Variants in COQ7 observed in about 807,000 individuals in gnomAD.
COQ7 encodes the protein coenzyme Q7, hydroxylase, also known as NADPH-dependent 3-demethoxyubiquinone 3-hydroxylase, mitochondrial.
A neutral mutation model predicts 25.0 loss-of-function variants in COQ7; 21 were observed. That is an observed-to-expected ratio of 0.84 (90% CI 0.60 to 1.21). The LOEUF (loss-of-function observed/expected upper bound fraction) is 1.21. Ranked by LOEUF, COQ7 falls within the 50% of genes most tolerant of loss-of-function variation. COQ7 has a pLI of 0.00. For missense variants in COQ7, 311 were observed against 296.2 expected (o/e 1.05, Z -0.37); for synonymous variants, 125 against 112.4 (o/e 1.11, Z -0.71).
In COQ7 at chr16:19,075,867, A is replaced by G. The variant is rs1308642771; in HGVS notation, c.507+7A>G. The G allele has an allele frequency of 1.2e-6, 2 of 1,614,096 alleles. No homozygotes were observed. The highest frequency in any genetic ancestry group is 1.7e-6 in the Non-Finnish European group (2 of 1,180,028). ...ATACGAGGAACTTCTTCAGGTATTT[A>G]TCCGTGCTCTAGAACGGGGCTGCTC... is the stretch of plus-strand genomic sequence containing the variant. On this transcript the variant is annotated splice_region_variant and intron_variant, in intron 4 of 5. Coordinates refer to ENST00000321998, the MANE Select transcript of COQ7 (RefSeq NM_016138.5).
chr16:19,082,486 GAAAAA>G (rs75633156), downstream of COQ7, among the ~76,000 whole-genome samples: 3 of 142,462 alleles, frequency 2.1e-5, no homozygotes, highest in Non-Finnish European at 3.1e-5. Flanking sequence ...ACTTTGAGAA[GAAAAA>G]AAAAAAAGTT....
At chr16:19,080,860 C>T (rs985467732), downstream of COQ7, among the ~76,000 whole-genome samples, 4 of 152,076 alleles carry the variant, frequency 2.6e-5, no homozygotes, top group Admixed American at 2.0e-4. Context: ...CACAGACAAT[C>T]GTAGTCTTGT....
intron 5 of COQ7, 109 bp downstream of exon 5, chr16:19,077,483 G>T: frequency 1.1e-6 from 1 of 877,446 alleles, no homozygotes; most frequent in Non-Finnish European, 1.8e-6. Context: ...ACAGCGAAAG[G>T]GAGAGAAAAC....
intron 1 of COQ7, 121 bp downstream of exon 1, chr16:19,067,858 A>G: frequency 6.7e-7 from 1 of 1,501,556 alleles, no homozygotes; most frequent in South Asian, 1.3e-5. Flanking sequence ...CCTGCGACGG[A>G]GCGCGACTGC....
intron 3 of COQ7, among the ~76,000 whole-genome samples, 154 bp from the exon 4 acceptor site, chr16:19,075,567 G>A (rs1329627116): frequency 6.6e-6 from 1 of 152,196 alleles, no homozygotes; most frequent in South Asian, 2.1e-4. Flanking sequence ...CAGAGATGCA[G>A]TTAAATATCC....
At chr16:19,073,316 C>CAAAAAAAAATCA (rs60264999) in intron 2 of COQ7, among the ~76,000 whole-genome samples, 1 of 146,914 alleles carries the variant, frequency 6.8e-6, no homozygotes, top group African/African-American at 2.6e-5. Context: ...CTCAAAAAAA[C>CAAAAAAAAATCA]AAAAAAAACC....
Position 19,078,105 on chromosome 16 carries a change from A to T in COQ7, c.601A>T (p.Ser201Cys). ...GGCTCCAGCCTATGCCGTCCTGAAG[A>T]GCATTATCCAGGCCGGATGCAGAGT... ...ELAPAYAVLK[S>C]IIQAGCRVAI... The change falls in exon 6 of 6, where the codon AGC (serine) becomes TGC (cysteine). Residue 201 changes from serine to cysteine, a missense_variant. By Grantham distance (112) the Ser-to-Cys change is moderately radical (BLOSUM62 -1). Coordinates refer to ENST00000321998, the MANE Select transcript of COQ7 (RefSeq NM_016138.5). The T allele has an allele frequency of 6.2e-7, 1 of 1,611,950 alleles. No homozygotes were observed.
intron 2 of COQ7, chr16:19,072,434 T>G (rs1182384744): frequency 7.7e-6 from 2 of 259,874 alleles, no homozygotes; most frequent in Non-Finnish European, 1.5e-5. Context: ...CCCTGCCCCC[T>G]ACCGTGCCAG....
At chr16:19,067,886 G>T (rs1400146420) in intron 1 of COQ7, 149 bp downstream of exon 1, 25 of 1,495,106 alleles carry the variant, frequency 1.7e-5, no homozygotes, top group Non-Finnish European at 2.2e-5. Context: ...CGGCCTCCGG[G>T]GCGCTGGCGG....
At chr16:19,077,451 C>T (rs2142395909) in intron 5 of COQ7, 77 bp downstream of exon 5, 2 of 1,211,458 alleles carry the variant, frequency 1.7e-6, no homozygotes, top group South Asian at 1.3e-5. Context: ...TTTCTGTTGC[C>T]AGAAAAATAC....
chr16:19,080,082 C>G lies in COQ7; in HGVS notation c.*1924C>G, dbSNP rs1450290709. 1 of 152,078 alleles carries G rather than the reference C, an allele frequency of 6.6e-6. No homozygotes were observed. Among genetic ancestry groups the G allele is most frequent in the Middle Eastern group, 3.2e-3 (1 of 316 alleles). The allele number at this position is 152,078 out of a possible 1,614,324, so 9.4% of individuals were successfully genotyped here. A position where few individuals can be genotyped will look rare whatever the true frequency, so the allele number is the denominator to read the frequency against. ...ATTGAACCTTGAAATAAAAGCACAACAAGGTTTTCTTAAGGTACTGATCTG... is the reference window on the plus strand; with the variant it reads ...ATTGAACCTTGAAATAAAAGCACAAGAAGGTTTTCTTAAGGTACTGATCTG... On this transcript the variant is annotated 3_prime_UTR_variant, in exon 6 of 6. Transcript: ENST00000321998.
intron 1 of COQ7, 98 bp downstream of exon 1, chr16:19,067,835 G>T (rs1023784455): frequency 3.9e-6 from 6 of 1,532,240 alleles, no homozygotes; most frequent in African/African-American, 1.4e-5. Flanking sequence ...GGAGAGGTTC[G>T]TAACGTCACA....
chr16:19,071,106 GTTT>G (rs1962533502), intron 1 of COQ7, among the ~76,000 whole-genome samples: 1 of 151,694 alleles, frequency 6.6e-6, no homozygotes, highest in African/African-American at 2.4e-5. Flanking sequence ...ACGGTGTGGG[GTTT>G]TTAATTTTTT....
At chr16:19,075,296 G>A (rs966906821) in intron 3 of COQ7, among the ~76,000 whole-genome samples, 8 of 150,144 alleles carry the variant, frequency 5.3e-5, no homozygotes, top group Admixed American at 4.7e-4. Flanking sequence ...TCCACCTCCC[G>A]GCTTCAAGCG....
chr16:19,074,586 C>A (rs1486021563), intron 3 of COQ7, among the ~76,000 whole-genome samples: 1 of 152,110 alleles, frequency 6.6e-6, no homozygotes, highest in Non-Finnish European at 1.5e-5. Context: ...CTCTGTTGCC[C>A]AGGCTGGAGT....
downstream of COQ7, among the ~76,000 whole-genome samples, chr16:19,081,100 TTTTG>T (rs2142409761): frequency 6.6e-6 from 1 of 152,186 alleles, no homozygotes; most frequent in Admixed American, 6.6e-5. Flanking sequence ...TTTGCTGATG[TTTTG>T]TTTTTCAGAG....
In COQ7 at chr16:19,077,387, T is replaced by G; in HGVS notation, c.576+13T>G. The G allele has an allele frequency of 6.2e-7, 1 of 1,612,310 alleles. No individual in the cohort carries two copies. The highest frequency in any genetic ancestry group is 8.5e-7 in the Non-Finnish European group (1 of 1,178,490). ...TGATGCAGAATTGGTAGGGCCCTAC[T>G]GTTACCTGTTCTGCTTTGGGACTCC... On this transcript the variant is annotated intron_variant, in intron 5 of 5. Coordinates refer to ENST00000321998, the MANE Select transcript of COQ7 (RefSeq NM_016138.5).
chr16:19,073,203 G>A (rs1962652274), intron 2 of COQ7, among the ~76,000 whole-genome samples: 1 of 152,144 alleles, frequency 6.6e-6, no homozygotes, highest in African/African-American at 2.4e-5. Context: ...CAGCTGCTTG[G>A]GAGGCTGAGG....
intron 5 of COQ7, 128 bp from the exon 6 acceptor site, chr16:19,077,953 T>G (rs1962945715): frequency 1.7e-6 from 1 of 602,640 alleles, no homozygotes; most frequent in African/African-American, 1.9e-5. Flanking sequence ...TCTTTGAAAC[T>G]AAAATAAATT....
Sources: allele counts gnomAD v4.1 joint callset (sites outside exome capture counted in the v4.1 genomes callset), GRCh38; gene constraint gnomAD v4.1.1; transcripts MANE v1.5; gene names NCBI Gene and HGNC (gene_info 2026-07-23, HGNC 2026-07-21).